BRAF: variants seen among roughly 807,000 people sequenced by gnomAD.
BRAF encodes the protein serine/threonine-protein kinase B-raf.
In BRAF, 16 loss-of-function variants were observed where a neutral mutation model predicts 104.6. The ratio of observed to expected loss-of-function variants is 0.15; its 90% confidence interval spans 0.10 to 0.23. The LOEUF (loss-of-function observed/expected upper bound fraction) is 0.23, where lower values mean the gene tolerates loss of function less well. BRAF is among the 10% of genes least tolerant of loss of function. The pLI is 1.00. For synonymous variants in BRAF, 310 were observed against 341.6 expected (o/e 0.91, Z 1.02); for missense variants, 541 against 937.3 (o/e 0.58, Z 5.52).
At chr7:140,774,098 A>G (rs1249578218) in intron 14 of BRAF, among the ~76,000 whole-genome samples, 1 of 152,212 alleles carries the variant, frequency 6.6e-6, no homozygotes, top group Non-Finnish European at 1.5e-5. Context: ...TGATCTTACA[A>G]GACAAAACAA....
intron 11 of BRAF, among the ~76,000 whole-genome samples, chr7:140,782,039 C>G (rs1245691091): frequency 6.6e-6 from 1 of 151,994 alleles, no homozygotes; most frequent in Non-Finnish European, 1.5e-5. Flanking sequence ...AGGTATTTCT[C>G]TTAATGCTGT....
At chr7:140,789,462 T>A (rs568964764) in intron 8 of BRAF, among the ~76,000 whole-genome samples, 1 of 152,288 alleles carries the variant, frequency 6.6e-6, no homozygotes, top group East Asian at 1.9e-4. Flanking sequence ...CTATCATGTT[T>A]AATGTATCAT....
At chr7:140,757,018 T>C (rs562290347) in intron 14 of BRAF, among the ~76,000 whole-genome samples, 1 of 152,300 alleles carries the variant, frequency 6.6e-6, no homozygotes, top group African/African-American at 2.4e-5. Flanking sequence ...GAGATCCTCA[T>C]CTTCATCTCC....
chr7:140,762,488 G>A (rs1798836649), intron 14 of BRAF, among the ~76,000 whole-genome samples: 1 of 150,776 alleles, frequency 6.6e-6, no homozygotes, highest in Admixed American at 6.6e-5. Context: ...AACTAGAAAA[G>A]CAAGAGCAAA....
intron 5 of BRAF, among the ~76,000 whole-genome samples, chr7:140,803,124 T>C (rs1803301775): frequency 6.6e-6 from 1 of 152,264 alleles, no homozygotes; most frequent in Admixed American, 6.5e-5. Flanking sequence ...GGCTCTACCA[T>C]ATAGCCTAGT....
intron 1 of BRAF, among the ~76,000 whole-genome samples, chr7:140,906,759 G>A (rs914214105): frequency 3.3e-5 from 5 of 152,152 alleles, no homozygotes; most frequent in African/African-American, 1.2e-4. Flanking sequence ...GAGAATATAT[G>A]TAATTTTCTA....
downstream of BRAF, among the ~76,000 whole-genome samples, chr7:140,714,985 C>T (rs1186903291): frequency 6.6e-6 from 1 of 152,090 alleles, no homozygotes; most frequent in Non-Finnish European, 1.5e-5. Context: ...CAGTCACTCC[C>T]GTGTTTAAGG....
chr7:140,795,455 T>C (rs921201323), intron 7 of BRAF, among the ~76,000 whole-genome samples: 1 of 152,202 alleles, frequency 6.6e-6, no homozygotes, highest in African/African-American at 2.4e-5. Flanking sequence ...TCCACCCTAT[T>C]TTATGCAAAC....
At chr7:140,891,965 A>T (rs1164464665) in intron 1 of BRAF, among the ~76,000 whole-genome samples, 1 of 152,224 alleles carries the variant, frequency 6.6e-6, no homozygotes, top group Non-Finnish European at 1.5e-5. Flanking sequence ...TCTAATTTAG[A>T]CAAAGGTAAG....
chr7:140,780,214 A>G (rs919600414), intron 12 of BRAF: 1 of 151,774 alleles, frequency 6.6e-6, no homozygotes, highest in South Asian at 2.1e-4. Flanking sequence ...GTGAAAAGAT[A>G]GATTAAGGAG....
At position 140,726,252 on chromosome 7, in the gene BRAF, G is replaced by A; in HGVS notation, c.*242C>T. 1 of 1,381,436 alleles carries A rather than the reference G, an allele frequency of 7.2e-7. No individual in the cohort carries two copies. The highest frequency in any genetic ancestry group is 2.7e-5 in the East Asian group (1 of 36,824). The allele number at this position is 1,381,436 out of a possible 1,614,324, so 85.6% of individuals were successfully genotyped here. A position where few individuals can be genotyped will look rare whatever the true frequency, so the allele number is the denominator to read the frequency against. On this transcript the variant is annotated 3_prime_UTR_variant, in exon 20 of 20. Coordinates refer to ENST00000644969, the MANE Select transcript of BRAF (RefSeq NM_001374258.1). ...TCTCTCCTCTTTCTTCCTGGGACTG[G>A]GCAGACTTGTATGCTCGTGGTATTT...
intron 1 of BRAF, among the ~76,000 whole-genome samples, chr7:140,895,340 A>G (rs1176509776): frequency 6.6e-6 from 1 of 152,254 alleles, no homozygotes; most frequent in African/African-American, 2.4e-5. Flanking sequence ...CTTAAACTTC[A>G]TATAGGGTAT....
At chr7:140,919,808 A>G (rs1818015524) in intron 1 of BRAF, among the ~76,000 whole-genome samples, 1 of 151,304 alleles carries the variant, frequency 6.6e-6, no homozygotes, top group African/African-American at 2.4e-5. Flanking sequence ...TGAATTCAGA[A>G]GTTCTACAAG....
At chr7:140,895,373 C>T (rs771401826) in intron 1 of BRAF, among the ~76,000 whole-genome samples, 36 of 152,076 alleles carry the variant, frequency 2.4e-4, no homozygotes, top group Non-Finnish European at 4.4e-4. Flanking sequence ...TGTAAGTCAC[C>T]AAGCATAACA....
At position 140,734,216 on chromosome 7, in the gene BRAF, C is replaced by T. The variant is rs1796196337; in HGVS notation, c.2401+401G>A. The T allele has an allele frequency of 3.6e-6, 4 of 1,107,450 alleles. No individual in the cohort carries two copies. The African/African-American group carries it at 6.4e-5, about 18-fold the overall frequency. The allele number at this position is 1,107,450 out of a possible 1,614,324, so 68.6% of individuals were successfully genotyped here. On this transcript the variant is annotated intron_variant, in intron 19 of 19. Coordinates refer to ENST00000644969, the MANE Select transcript of BRAF (RefSeq NM_001374258.1). ...ACTGCCAACTTCTCACCTGCAAACA[C>T]AGGCATAGGTAGGGTCTTCTTCTGG... is the stretch of plus-strand genomic sequence containing the variant.
At chr7:140,728,825 G>A (rs573549970) in intron 19 of BRAF, among the ~76,000 whole-genome samples, 53 of 151,972 alleles carry the variant, frequency 3.5e-4, no homozygotes, top group African/African-American at 1.2e-3. Flanking sequence ...TTATAGAAAA[G>A]AAATCTTTAT....
chr7:140,909,117 C>G (rs187796781), intron 1 of BRAF, among the ~76,000 whole-genome samples: 12 of 151,650 alleles, frequency 7.9e-5, no homozygotes, highest in Non-Finnish European at 1.5e-4. Flanking sequence ...TGTACATTCT[C>G]TATACTACCC....
At chr7:140,894,580 C>T (rs1030126097) in intron 1 of BRAF, among the ~76,000 whole-genome samples, 3 of 151,574 alleles carry the variant, frequency 2.0e-5, no homozygotes, top group African/African-American at 7.3e-5. Context: ...TGATTATTTT[C>T]ACAAATCAAG....
intron 1 of BRAF, among the ~76,000 whole-genome samples, chr7:140,863,263 C>T (rs1482734644): frequency 3.3e-5 from 5 of 151,836 alleles, no homozygotes; most frequent in African/African-American, 4.8e-5. Flanking sequence ...ATAAGTTGGT[C>T]CCAAAACAAT....
Sources: gnomAD v4.1 joint callset for allele counts (sites outside exome capture counted in the v4.1 genomes callset) on GRCh38, gnomAD v4.1.1 for gene constraint, MANE v1.5 for transcripts, NCBI Gene and HGNC (gene_info 2026-07-23, HGNC 2026-07-21) for gene names.